KLHL18: variants seen among roughly 807,000 people sequenced by gnomAD.
KLHL18 encodes the protein kelch-like protein 18.
In KLHL18, 38 loss-of-function variants were observed where a neutral mutation model predicts 58.5. The ratio of observed to expected loss-of-function variants is 0.65; its 90% confidence interval spans 0.50 to 0.85. The LOEUF (loss-of-function observed/expected upper bound fraction) is 0.85. Among genes scored for constraint, KLHL18 ranks in the 40% least tolerant of loss-of-function variants. The pLI is 0.00. For missense variants in KLHL18, 624 were observed against 778.4 expected (o/e 0.80, Z 2.36); for synonymous variants, 303 against 301.9 (o/e 1.00, Z -0.04).
chr3:47,316,229 A>G (rs1410721269), intron 1 of KLHL18, among the ~76,000 whole-genome samples: 1 of 152,040 alleles, frequency 6.6e-6, no homozygotes, highest in East Asian at 1.9e-4. Context: ...ATACTGTGAA[A>G]TTTTAGAACT....
At chr3:47,297,284 A>C (rs969240969) in intron 1 of KLHL18, among the ~76,000 whole-genome samples, 50 of 152,254 alleles carry the variant, frequency 3.3e-4, no homozygotes, top group African/African-American at 1.2e-3. Context: ...TAACCCCAAG[A>C]GTTTATGAGG....
chr3:47,326,008 C>A (rs531119807), intron 3 of KLHL18, among the ~76,000 whole-genome samples: 3 of 152,042 alleles, frequency 2.0e-5, no homozygotes, highest in Non-Finnish European at 2.9e-5. Context: ...AATGCAGTGG[C>A]ATGATCTCAG....
At chr3:47,300,699 G>A (rs1481628044) in intron 1 of KLHL18, among the ~76,000 whole-genome samples, 2 of 143,766 alleles carry the variant, frequency 1.4e-5, no homozygotes, top group African/African-American at 5.1e-5. Context: ...GGGTGCAATG[G>A]TGCGATCTCA....
At position 47,334,738 on chromosome 3, in the gene KLHL18, C is replaced by T; in HGVS notation, c.817C>T (p.Leu273=). The change falls in exon 6 of 10, where the codon CTG becomes TTG. Residue 273 remains leucine (L), a synonymous_variant. Coordinates refer to ENST00000232766, the MANE Select transcript of KLHL18 (RefSeq NM_025010.5). This position sits in a 1 kb window ranked among gnomAD's most constrained non-coding sequence, Gnocchi z 4.7. ...CCTCATGCCAGAGCGCCGGCCCCAC[C>T]TGCCAGCTTTCAGAACCCGGCCACG... The part of the protein sequence containing the change: ...YHLMPERRPH[L]PAFRTRPRCC... 2.5e-6 allele frequency: 4 copies of T among 1,614,200 alleles called. No homozygotes were observed. The highest frequency in any genetic ancestry group is 3.4e-6 in the Non-Finnish European group (4 of 1,180,034).
rs1170409082 is a variant in KLHL18, at chr3:47,345,925, A to G, written c.*1984A>G. 1.3e-5 allele frequency: 2 copies of G among 152,596 alleles called. No individual in the cohort carries two copies. Among genetic ancestry groups the G allele is most frequent in the African/African-American group, 4.8e-5 (2 of 41,434 alleles). The allele number at this position is 152,596 out of a possible 1,614,324, so 9.5% of individuals were successfully genotyped here. A position where few individuals can be genotyped will look rare whatever the true frequency, so the allele number is the denominator to read the frequency against. Reference sequence around the variant, plus strand: ...TGATATTTTTATTTTTAACGTCTCAACAATCTGATATCGGATGTCGTTTAA... The same window carrying G: ...TGATATTTTTATTTTTAACGTCTCAGCAATCTGATATCGGATGTCGTTTAA... On this transcript the variant is annotated 3_prime_UTR_variant, in exon 10 of 10. Transcript: ENST00000232766.
Position 47,302,487 on chromosome 3 carries a change from CAAACAAACAAAAAGA to C in KLHL18, c.130-17163_130-17149del, listed in dbSNP as rs1450573023. Among the ~76,000 whole-genome samples the C allele has an allele frequency of 5.3e-5, 8 of 151,506 alleles. No homozygotes were observed. In the South Asian group the frequency reaches 1.7e-3, roughly 31 times the overall value. On this transcript the variant is annotated intron_variant, in intron 1 of 9. Transcript: ENST00000232766. Reference sequence around the variant, plus strand: ...CAACAGAGCGAGACTCTGTCTCAAACAAACAAACAAAAAGAAACATAAGGAAGAGAAAATATATTT... The same window carrying C: ...CAACAGAGCGAGACTCTGTCTCAAACAACATAAGGAAGAGAAAATATATTT...
intron 8 of KLHL18, among the ~76,000 whole-genome samples, chr3:47,341,257 C>T (rs1437769961): frequency 6.6e-6 from 1 of 152,176 alleles, no homozygotes; most frequent in African/African-American, 2.4e-5. Flanking sequence ...TTTTTCATTT[C>T]AGTATTTGAA....
chr3:47,314,629 T>G (rs578176689), intron 1 of KLHL18, among the ~76,000 whole-genome samples: 9 of 152,252 alleles, frequency 5.9e-5, no homozygotes, highest in African/African-American at 1.9e-4. Flanking sequence ...CACCGCGCCC[T>G]GCACTTAGCT....
At chr3:47,292,576 A>C (rs1279738680) in intron 1 of KLHL18, among the ~76,000 whole-genome samples, 4 of 152,108 alleles carry the variant, frequency 2.6e-5, no homozygotes, top group African/African-American at 9.7e-5. Flanking sequence ...GGTGGAAGCA[A>C]CCCAAGGGTC....
At position 47,343,593 on chromosome 3, in the gene KLHL18, T is replaced by C. The variant is rs1487182001; in HGVS notation, c.1377T>C (p.Pro459=). 3.1e-6 allele frequency: 5 copies of C among 1,613,854 alleles called. No homozygotes were observed. In the African/African-American group the frequency reaches 6.7e-5, roughly 22 times the overall value. ...ACCACCACACAGCCACCTGGCACCC[T>C]GCAGCTGGCATGCTCAACAAGCGCT... is the stretch of plus-strand genomic sequence containing the variant. The part of the protein sequence containing the change: ...HYNHHTATWH[P]AAGMLNKRCR... The change falls in exon 10 of 10, where the codon CCT becomes CCC. Residue 459 remains proline (P), a synonymous_variant. Transcript: ENST00000232766.
intron 1 of KLHL18, among the ~76,000 whole-genome samples, chr3:47,314,929 GT>G (rs538580648): frequency 1.3e-5 from 2 of 151,062 alleles, no homozygotes; most frequent in African/African-American, 2.4e-5. Context: ...TCTGTAGCTG[GT>G]TTTTTTTTGA....
chr3:47,325,259 G>A (rs753261406), intron 3 of KLHL18, among the ~76,000 whole-genome samples: 1 of 151,926 alleles, frequency 6.6e-6, no homozygotes, highest in Non-Finnish European at 1.5e-5. Context: ...GTGCAGTGGC[G>A]CGATCTTGGC....
chr3:47,297,751 C>T (rs1335564390), intron 1 of KLHL18: 1 of 413,638 alleles, frequency 2.4e-6, no homozygotes, highest in African/African-American at 2.1e-5. Flanking sequence ...CTTTAGAATT[C>T]ATTAAGTACA....
Position 47,333,249 on chromosome 3 carries a change from C to A in KLHL18, c.693C>A (p.Leu231=). Residue 231 remains leucine (L), a synonymous_variant, in exon 5 of 10, where the codon CTC becomes CTA. Coordinates refer to ENST00000232766, the MANE Select transcript of KLHL18 (RefSeq NM_025010.5). Reference sequence around the variant, plus strand: ...TGCTGTCCAATATCCGCCTGCCCCTCTGTCGGCCCCAGTTCCTTTCAGACA... The same window carrying A: ...TGCTGTCCAATATCCGCCTGCCCCTATGTCGGCCCCAGTTCCTTTCAGACA... ...PELLSNIRLP[L]CRPQFLSDRV... 1 of 1,614,244 alleles carries A rather than the reference C, an allele frequency of 6.2e-7. No individual in the cohort carries two copies. Among genetic ancestry groups the A allele is most frequent in the Non-Finnish European group, 8.5e-7 (1 of 1,180,052 alleles).
At chr3:47,324,321 T>TTTTTTTTTTTTTTTTTTTTTTTTG (rs1703664470) in intron 3 of KLHL18, among the ~76,000 whole-genome samples, 1 of 130,490 alleles carries the variant, frequency 7.7e-6, no homozygotes, top group Non-Finnish European at 1.6e-5. Context: ...TTTTTTTTTT[T>TTTTTTTTTTTTTTTTTTTTTTTTG]TTTCTGTAAG....
chr3:47,302,077 A>G (rs1559489418), intron 1 of KLHL18, among the ~76,000 whole-genome samples: 1 of 152,218 alleles, frequency 6.6e-6, no homozygotes, highest in Non-Finnish European at 1.5e-5. Context: ...GTGGGATTAC[A>G]GGCGTGAACC....
intron 3 of KLHL18, among the ~76,000 whole-genome samples, chr3:47,329,209 T>TTG (rs201061135): frequency 0.013 from 1,973 of 151,774 alleles, 28 homozygotes; most frequent in Middle Eastern, 0.024. Flanking sequence ...TTGTGTTTTT[T>TTG]TTGTTGTTGT....
At chr3:47,326,470 C>T (rs1703724825) in intron 3 of KLHL18, among the ~76,000 whole-genome samples, 1 of 152,156 alleles carries the variant, frequency 6.6e-6, no homozygotes, top group African/African-American at 2.4e-5. Context: ...AACCCTGTAG[C>T]TGTAGGTTTA....
At chr3:47,303,540 T>C (rs1404731894) in intron 1 of KLHL18, among the ~76,000 whole-genome samples, 1 of 152,194 alleles carries the variant, frequency 6.6e-6, no homozygotes, top group Non-Finnish European at 1.5e-5. Context: ...CTTATCTTCT[T>C]GTACAACCAA....
Sources: gnomAD v4.1 joint callset for allele counts (sites outside exome capture counted in the v4.1 genomes callset) on GRCh38, gnomAD v4.1.1 for gene constraint, Gnocchi (gnomAD v3.1) non-coding constraint, MANE v1.5 for transcripts, NCBI Gene and HGNC (gene_info 2026-07-23, HGNC 2026-07-21) for gene names.